Variants in TMCO4 observed in about 807,000 individuals in gnomAD.
TMCO4 encodes transmembrane and coiled-coil domain-containing protein 4.
A neutral mutation model predicts 64.7 loss-of-function variants in TMCO4; 58 were observed. The observed-to-expected ratio is 0.90, with a 90% confidence interval of 0.73 to 1.12. TMCO4 has a LOEUF of 1.12. TMCO4 is among the 50% of genes most tolerant of loss of function. The pLI, the probability that TMCO4 is intolerant of heterozygous loss-of-function variation, is 0.00. For synonymous variants in TMCO4, 325 were observed against 346.1 expected (o/e 0.94, Z 0.68); for missense variants, 780 against 825.9 (o/e 0.94, Z 0.68).
intron 15 of TMCO4, among the ~76,000 whole-genome samples, chr1:19,689,185 C>T (rs143175085): frequency 7.9e-5 from 12 of 152,348 alleles, no homozygotes; most frequent in African/African-American, 2.9e-4. Context: ...CCCTTGCCAG[C>T]AACTTCTCCA....
intron 2 of TMCO4, among the ~76,000 whole-genome samples, chr1:19,790,779 A>T (rs2043992162): frequency 6.6e-6 from 1 of 152,216 alleles, no homozygotes; most frequent in South Asian, 2.1e-4. Flanking sequence ...AACCGGAAAT[A>T]CCATTTGACC....
At chr1:19,708,509 T>C (rs968431849) in intron 13 of TMCO4, among the ~76,000 whole-genome samples, 1 of 152,180 alleles carries the variant, frequency 6.6e-6, no homozygotes, top group Non-Finnish European at 1.5e-5. Flanking sequence ...ATTAAGTTTT[T>C]TGTGAAACTA....
Position 19,712,614 on chromosome 1 carries a change from C to T in TMCO4, c.1265-11729G>A, listed in dbSNP as rs542867644. Among the ~76,000 whole-genome samples, 537 of 137,770 alleles carry T rather than the reference C, an allele frequency of 3.9e-3. 2 individuals are homozygous for T. The highest frequency in any genetic ancestry group is 5.8e-3 in the Non-Finnish European group (369 of 63,450). The allele number at this position is 137,770 out of a possible 152,430, so 90.4% of individuals were successfully genotyped here. A position where few individuals can be genotyped will look rare whatever the true frequency, so the allele number is the denominator to read the frequency against. Reference sequence around the variant, plus strand: ...CAGCCTGGGCAACAGAGCGAGACTCCGTCTCAAAAAAAAAAAAAAAGAAAA... The same window carrying T: ...CAGCCTGGGCAACAGAGCGAGACTCTGTCTCAAAAAAAAAAAAAAAGAAAA... On this transcript the variant is annotated intron_variant, in intron 13 of 15. Coordinates refer to ENST00000294543, the MANE Select transcript of TMCO4 (RefSeq NM_181719.7).
At chr1:19,683,757 G>GTTT (rs1469669245) in intron 15 of TMCO4, among the ~76,000 whole-genome samples, 1 of 114,216 alleles carries the variant, frequency 8.8e-6, no homozygotes, top group East Asian at 2.6e-4. Flanking sequence ...TTTGTCTGAA[G>GTTT]CTTTTTTTTT....
At chr1:19,738,677 CT>C (rs1289576804) in intron 12 of TMCO4, among the ~76,000 whole-genome samples, 3 of 152,230 alleles carry the variant, frequency 2.0e-5, no homozygotes, top group African/African-American at 7.2e-5. Context: ...TTTTCTGTTT[CT>C]TTTGACAAAG....
chr1:19,735,460 G>A (rs2095449742), intron 13 of TMCO4, among the ~76,000 whole-genome samples: 1 of 152,184 alleles, frequency 6.6e-6, no homozygotes, highest in South Asian at 2.1e-4. Flanking sequence ...GGTGGGAGCA[G>A]CGAGCAGGAA....
chr1:19,737,383 G>A lies in TMCO4; in HGVS notation c.1253C>T (p.Ala418Val). Residue 418 changes from alanine (A) to valine (V), a missense_variant, in exon 13 of 16, where the codon GCT becomes GTT. Ala to Val is a moderately conservative substitution (Grantham distance 64, BLOSUM62 0). Coordinates refer to ENST00000294543, the MANE Select transcript of TMCO4 (RefSeq NM_181719.7). Reference sequence around the variant, plus strand: ...TAATCCATGCTCACCTTTCTCTTGAGCCATCTCCTGCAGACAGAAGTAGAT... The same window carrying A: ...TAATCCATGCTCACCTTTCTCTTGAACCATCTCCTGCAGACAGAAGTAGAT... ...RVIYFCLQEMAQEKDCQGIIE... is the reference protein window; with the variant it reads ...RVIYFCLQEMVQEKDCQGIIE... 1 of 1,613,410 alleles carries A rather than the reference G, an allele frequency of 6.2e-7. No individual in the cohort carries two copies. The highest frequency in any genetic ancestry group is 8.5e-7 in the Non-Finnish European group (1 of 1,179,632).
chr1:19,776,736 A>G (rs1430950971), intron 4 of TMCO4, among the ~76,000 whole-genome samples: 1 of 152,174 alleles, frequency 6.6e-6, no homozygotes, highest in Non-Finnish European at 1.5e-5. Flanking sequence ...GGTTGAAAAC[A>G]GCAAAAGCCA....
rs149026870 is a variant in TMCO4 at position 19,785,131 on chromosome 1, A to C, written c.-9+1895T>G. ...ACCTGCCATTCTCCCTGCTGGGACC[A>C]CCCTTCCCTGACCATCACATCATCT... On this transcript the variant is annotated intron_variant, in intron 3 of 15. Transcript: ENST00000294543. Among the ~76,000 whole-genome samples, 162 of 151,710 alleles carry C rather than the reference A, an allele frequency of 1.1e-3. 2 individuals carry two copies. Among genetic ancestry groups the C allele is most frequent in the East Asian group, 8.6e-3 (44 of 5,144 alleles).
At position 19,734,435 on chromosome 1, in the gene TMCO4, A is replaced by C. The variant is rs1055410205; in HGVS notation, c.1264+2937T>G. 3.9e-5 allele frequency among the ~76,000 whole-genome samples: 6 copies of C among 152,104 alleles called. No individual in the cohort carries two copies. Among genetic ancestry groups the C allele is most frequent in the African/African-American group, 1.4e-4 (6 of 41,408 alleles). On this transcript the variant is annotated intron_variant, in intron 13 of 15. Transcript: ENST00000294543. This position sits in a 1 kb window ranked among gnomAD's most constrained non-coding sequence, Gnocchi z 4.4. Reference sequence around the variant, plus strand: ...GTGTGTGAACTGTAGGGTGCCCAGCACCAGTGCCCCCGGGTCCTCCTTGGC... The same window carrying C: ...GTGTGTGAACTGTAGGGTGCCCAGCCCCAGTGCCCCCGGGTCCTCCTTGGC...
intron 13 of TMCO4, among the ~76,000 whole-genome samples, chr1:19,727,541 G>A (rs2095413793): frequency 6.6e-6 from 1 of 152,214 alleles, no homozygotes; most frequent in Non-Finnish European, 1.5e-5. Context: ...ACAAATACGA[G>A]CTAGTGGAGT....
intron 3 of TMCO4, among the ~76,000 whole-genome samples, chr1:19,781,661 T>G (rs1167123366): frequency 7.2e-6 from 1 of 139,096 alleles, no homozygotes; most frequent in African/African-American, 2.7e-5. Flanking sequence ...TTTTTTTTTC[T>G]TTTGAGATGG....
intron 13 of TMCO4, among the ~76,000 whole-genome samples, chr1:19,720,742 A>G (rs1344314388): frequency 6.6e-6 from 1 of 152,194 alleles, no homozygotes; most frequent in African/African-American, 2.4e-5. Flanking sequence ...GAGTTCACAC[A>G]TGAACACCCT....
intron 2 of TMCO4, among the ~76,000 whole-genome samples, chr1:19,797,378 T>C (rs2101176222): frequency 6.6e-6 from 1 of 152,188 alleles, no homozygotes; most frequent in East Asian, 1.9e-4. Context: ...GAGAAGATGT[T>C]ACCTGGGAAA....
intron 14 of TMCO4, 103 bp from the exon 15 acceptor site, chr1:19,694,654 G>A (rs1406229210): frequency 9.7e-7 from 1 of 1,026,336 alleles, no homozygotes. Context: ...TGGGAATGGA[G>A]CTTCTGGGGG....
At position 19,682,579 on chromosome 1, in the gene TMCO4, C is replaced by A. The variant is rs1557435030; in HGVS notation, c.*461G>T. The A allele has an allele frequency of 1.4e-6, 1 of 715,638 alleles. No homozygotes were observed. The highest frequency in any genetic ancestry group is 1.5e-5 in the South Asian group (1 of 67,552). The allele number at this position is 715,638 out of a possible 1,614,324, so 44.3% of individuals were successfully genotyped here. On this transcript the variant is annotated 3_prime_UTR_variant, in exon 16 of 16. Transcript: ENST00000294543. ...GCTGCCAGTTGATGGTGCCTGTCAG[C>A]TGGTGGGCAGCCCTGGAGTGTGGAT...
At chr1:19,694,700 G>A (rs2095224071) in intron 14 of TMCO4, 149 bp from the exon 15 acceptor site, 2 of 694,468 alleles carry the variant, frequency 2.9e-6, no homozygotes, top group East Asian at 5.3e-5. Context: ...GGGGATGGAA[G>A]ATGAAGCAGC....
At position 19,682,653 on chromosome 1, in the gene TMCO4, T is replaced by C. The variant is rs950955488; in HGVS notation, c.*387A>G. ...TTTATTGAGGCCAGGGGAGAGCTGGTGTGGGAGCCTCAGGCCCCAGAGAGC... is the reference window on the plus strand; with the variant it reads ...TTTATTGAGGCCAGGGGAGAGCTGGCGTGGGAGCCTCAGGCCCCAGAGAGC... On this transcript the variant is annotated 3_prime_UTR_variant, in exon 16 of 16. Coordinates refer to ENST00000294543, the MANE Select transcript of TMCO4 (RefSeq NM_181719.7). 2.8e-6 allele frequency: 2 copies of C among 717,546 alleles called. No individual in the cohort carries two copies. The highest frequency in any genetic ancestry group is 5.4e-5 in the East Asian group (2 of 37,382). 44.4% of individuals were successfully genotyped at this position (717,546 alleles called of 1,614,324 possible).
At chr1:19,723,330 G>A (rs1004054210) in intron 13 of TMCO4, among the ~76,000 whole-genome samples, 3 of 152,150 alleles carry the variant, frequency 2.0e-5, no homozygotes, top group Non-Finnish European at 2.9e-5. Flanking sequence ...TCATATGGGG[G>A]ATAGTCTCTT....
Sources: gnomAD v4.1 joint callset for allele counts (sites outside exome capture counted in the v4.1 genomes callset) on GRCh38, gnomAD v4.1.1 for gene constraint, Gnocchi (gnomAD v3.1) non-coding constraint, MANE v1.5 for transcripts, NCBI Gene and HGNC (gene_info 2026-07-23, HGNC 2026-07-21) for gene names.